LUZP2: variants seen among roughly 807,000 people sequenced by gnomAD.
The protein encoded by LUZP2 is leucine zipper protein 2.
A neutral mutation model predicts 51.6 loss-of-function variants in LUZP2; 52 were observed. The ratio of observed to expected loss-of-function variants is 1.01; its 90% confidence interval spans 0.81 to 1.27. The LOEUF (loss-of-function observed/expected upper bound fraction) is 1.27, where lower values mean the gene tolerates loss of function less well. Among genes scored for constraint, LUZP2 ranks in the 50% most tolerant of loss-of-function variants. The pLI, the probability that LUZP2 is intolerant of heterozygous loss-of-function variation, is 0.00. For missense variants in LUZP2, 436 were observed against 395.4 expected, an observed-to-expected ratio of 1.10 and a Z score of -0.87; for synonymous variants, 154 against 137.3, an observed-to-expected ratio of 1.12 and a Z score of -0.85.
intron 5 of LUZP2, among the ~76,000 whole-genome samples, chr11:24,854,004 A>T (rs750005690): frequency 2.0e-5 from 3 of 152,176 alleles, no homozygotes; most frequent in Non-Finnish European, 2.9e-5. Flanking sequence ...TTTGTCTCAG[A>T]GGACTACCTG....
At chr11:25,027,884 A>AAAAT (rs1857540320) in intron 9 of LUZP2, among the ~76,000 whole-genome samples, 1 of 139,876 alleles carries the variant, frequency 7.1e-6, no homozygotes. Context: ...AAAAAAAAAA[A>AAAAT]GGTGTTTAGA....
At chr11:24,876,736 A>G (rs1852279701) in intron 5 of LUZP2, among the ~76,000 whole-genome samples, 2 of 152,100 alleles carry the variant, frequency 1.3e-5, no homozygotes, top group Admixed American at 6.6e-5. Context: ...ATGAGCCTGG[A>G]ATGTTCTTCC....
chr11:24,745,389 A>G (rs1387546216), intron 4 of LUZP2, among the ~76,000 whole-genome samples: 1 of 152,102 alleles, frequency 6.6e-6, no homozygotes, highest in Non-Finnish European at 1.5e-5. Flanking sequence ...TAGGAACTCC[A>G]GTGTTAGGTG....
intron 9 of LUZP2, among the ~76,000 whole-genome samples, chr11:25,014,640 C>A (rs1857090632): frequency 6.6e-6 from 1 of 152,128 alleles, no homozygotes; most frequent in Admixed American, 6.6e-5. Flanking sequence ...ATTGTAGATT[C>A]TGGATATTAG....
intron 1 of LUZP2, among the ~76,000 whole-genome samples, chr11:24,498,137 G>T (rs1002718631): frequency 6.6e-6 from 1 of 152,180 alleles, no homozygotes; most frequent in Non-Finnish European, 1.5e-5. Context: ...CAGCACAAAG[G>T]TGGACTGTTT....
At chr11:24,991,396 G>GTGTGTA (rs1398115496) in intron 9 of LUZP2, among the ~76,000 whole-genome samples, 52 of 124,976 alleles carry the variant, frequency 4.2e-4, no homozygotes, top group South Asian at 1.1e-3. Flanking sequence ...GTGTGTGTGT[G>GTGTGTA]TATATATATA....
At position 24,742,057 on chromosome 11, in the gene LUZP2, T is replaced by TTTTA. The variant is rs571183533; in HGVS notation, c.333+3756_333+3757insTTAT. 1.5e-3 allele frequency among the ~76,000 whole-genome samples: 175 copies of TTTTA among 116,292 alleles called. 5 individuals carry two copies. Among genetic ancestry groups the TTTTA allele is most frequent in the South Asian group, 0.012 (52 of 4,220 alleles). The allele number at this position is 116,292 out of a possible 152,430, so 76.3% of individuals were successfully genotyped here. On this transcript the variant is annotated intron_variant, in intron 4 of 11. Coordinates refer to ENST00000336930, the MANE Select transcript of LUZP2 (RefSeq NM_001009909.4). The stretch of plus-strand genomic sequence containing the variant: ...TATAAATACATAAAAATAAATATAA[T>TTTTA]TATATATATATATATATATCACCAT...
At position 24,602,278 on chromosome 11, in the gene LUZP2, A is replaced by ATG. The variant is rs1565021159; in HGVS notation, c.62+104974_62+104975insGT. 3.4e-4 allele frequency among the ~76,000 whole-genome samples: 35 copies of ATG among 102,388 alleles called. 1 individual carries two copies. The highest frequency in any genetic ancestry group is 1.3e-3 in the African/African-American group (32 of 24,960). 67.2% of individuals were successfully genotyped at this position (102,388 alleles called of 152,430 possible). A position where few individuals can be genotyped will look rare whatever the true frequency, so the allele number is the denominator to read the frequency against. ...TGCAAACATATATGTACATACATAT[A>ATG]TACACACATATATATGTACATACAT... On this transcript the variant is annotated intron_variant, in intron 1 of 11. Transcript: ENST00000336930.
At chr11:24,502,158 A>G (rs977963381) in intron 1 of LUZP2, among the ~76,000 whole-genome samples, 1 of 139,604 alleles carries the variant, frequency 7.2e-6, no homozygotes. Context: ...TAGCCTGTAC[A>G]GTTATTATGG....
chr11:24,772,917 C>T (rs1207733621), intron 5 of LUZP2, among the ~76,000 whole-genome samples: 2 of 152,058 alleles, frequency 1.3e-5, no homozygotes, highest in East Asian at 3.9e-4. Context: ...GATTTTGAAC[C>T]CACTCTAATC....
chr11:24,887,116 G>A (rs1219980209), intron 5 of LUZP2, among the ~76,000 whole-genome samples: 1 of 152,136 alleles, frequency 6.6e-6, no homozygotes, highest in East Asian at 1.9e-4. Flanking sequence ...TCACTGTGCT[G>A]CTGGGAACGC....
chr11:24,652,643 T>A (rs1157102018), intron 1 of LUZP2, among the ~76,000 whole-genome samples: 2 of 152,096 alleles, frequency 1.3e-5, no homozygotes, highest in Non-Finnish European at 2.9e-5. Context: ...GAAGGTCAAT[T>A]GATACCTAAA....
intron 1 of LUZP2, among the ~76,000 whole-genome samples, chr11:24,567,014 AT>A (rs201485027): frequency 0.17 from 23,502 of 134,414 alleles, 2,228 homozygotes; most frequent in African/African-American, 0.26. Context: ...ATATATATAT[AT>A]TTTTTTTAGT....
intron 1 of LUZP2, among the ~76,000 whole-genome samples, chr11:24,560,472 G>C (rs1194357173): frequency 6.6e-6 from 1 of 152,086 alleles, no homozygotes; most frequent in African/African-American, 2.4e-5. Context: ...GACAAGGTGA[G>C]CTTTACATTA....
intron 5 of LUZP2, among the ~76,000 whole-genome samples, chr11:24,904,523 T>G (rs1026678914): frequency 6.6e-6 from 1 of 152,194 alleles, no homozygotes; most frequent in Non-Finnish European, 1.5e-5. Context: ...GACCTCGTGA[T>G]CCACCCGCCT....
At chr11:24,940,443 T>A (rs1262154570) in intron 7 of LUZP2, among the ~76,000 whole-genome samples, 1 of 152,154 alleles carries the variant, frequency 6.6e-6, no homozygotes, top group Admixed American at 6.5e-5. Context: ...GGTGTAGCAT[T>A]TAAAAGGAGA....
At chr11:24,620,093 T>C (rs1222604042) in intron 1 of LUZP2, among the ~76,000 whole-genome samples, 1 of 152,202 alleles carries the variant, frequency 6.6e-6, no homozygotes, top group African/African-American at 2.4e-5. Context: ...AGTTTAAGCT[T>C]AATTAAATAG....
chr11:24,893,327 A>C (rs554148361), intron 5 of LUZP2: 1 of 122,192 alleles, frequency 8.2e-6, no homozygotes, highest in East Asian at 3.1e-4. Context: ...AAGGAACAGA[A>C]TATAAACAGC....
chr11:24,666,667 G>C (rs1027415956), intron 1 of LUZP2, among the ~76,000 whole-genome samples: 1 of 152,182 alleles, frequency 6.6e-6, no homozygotes, highest in Non-Finnish European at 1.5e-5. Context: ...ACCTGGAAGA[G>C]AGGTTCCTCC....
Sources: gnomAD v4.1 joint callset for allele counts (sites outside exome capture counted in the v4.1 genomes callset) on GRCh38, gnomAD v4.1.1 for gene constraint, MANE v1.5 for transcripts, NCBI Gene and HGNC (gene_info 2026-07-23, HGNC 2026-07-21) for gene names.